CPEB3: variants seen among roughly 807,000 people sequenced by gnomAD.
CPEB3 encodes the protein cytoplasmic polyadenylation element binding protein 3.
A neutral mutation model predicts 67.2 loss-of-function variants in CPEB3; 20 were observed. That is an observed-to-expected ratio of 0.30 (90% CI 0.21 to 0.43). The LOEUF is 0.43. CPEB3 is among the 20% of genes least tolerant of loss of function. The pLI is 1.00. For synonymous variants in CPEB3, 376 were observed against 393.1 expected (o/e 0.96, Z 0.51); for missense variants, 746 against 968.6 (o/e 0.77, Z 3.05).
chr10:92,148,954 G>A (rs528159175), intron 4 of CPEB3, among the ~76,000 whole-genome samples: 9 of 146,400 alleles, frequency 6.1e-5, no homozygotes, highest in Non-Finnish European at 1.2e-4. Flanking sequence ...AAGCTGAAGC[G>A]CAGTGGCACA....
At chr10:92,094,533 C>T (rs1305711780) in intron 7 of CPEB3, among the ~76,000 whole-genome samples, 3 of 151,070 alleles carry the variant, frequency 2.0e-5, no homozygotes, top group East Asian at 2.0e-4. Flanking sequence ...ACCTGGGAGG[C>T]GGAGCTTGCA....
At position 92,091,947 on chromosome 10, in the gene CPEB3, G is replaced by GA. The variant is rs1477118964; in HGVS notation, c.1573-4dup. On this transcript the variant is annotated splice_region_variant and splice_polypyrimidine_tract_variant and intron_variant, in intron 7 of 9. Coordinates refer to ENST00000265997, the MANE Select transcript of CPEB3 (RefSeq NM_014912.5). ...AGGTTCCATGGTCGAATTTGCACCT[G>GA]AAAAAAAGTTGTTTACTTGGTCCTT... 8 of 1,595,982 alleles carry GA rather than the reference G, an allele frequency of 5.0e-6. No individual in the cohort carries two copies. Among genetic ancestry groups the GA allele is most frequent in the Non-Finnish European group, 6.0e-6 (7 of 1,165,504 alleles).
In CPEB3 at chr10:92,269,798, T is replaced by C. The variant is rs1291052200; in HGVS notation, c.-12+21128A>G. ...GTCTTGAACTCCTGACCTCAGGTGA[T>C]CCGCCCACCTCAGCATCCCAAAGTG... On this transcript the variant is annotated intron_variant, in intron 1 of 9. Coordinates refer to ENST00000265997, the MANE Select transcript of CPEB3 (RefSeq NM_014912.5). Among the ~76,000 whole-genome samples, 3 of 152,232 alleles carry C rather than the reference T, an allele frequency of 2.0e-5. No individual in the cohort carries two copies. In the East Asian group the frequency reaches 5.8e-4, roughly 29 times the overall value.
intron 7 of CPEB3, 57 bp downstream of exon 7, chr10:92,111,019 G>T: frequency 8.6e-7 from 1 of 1,163,998 alleles, no homozygotes; most frequent in Non-Finnish European, 1.3e-6. Context: ...GAGGAGGTCA[G>T]CTATTCCAAT....
chr10:92,122,016 A>C (rs1022576009), intron 6 of CPEB3, among the ~76,000 whole-genome samples: 1 of 152,198 alleles, frequency 6.6e-6, no homozygotes, highest in Non-Finnish European at 1.5e-5. Flanking sequence ...ATTCAAGGGT[A>C]CCAAAAACAT....
At chr10:92,215,732 C>T (rs1404668879) in intron 2 of CPEB3, among the ~76,000 whole-genome samples, 3 of 140,434 alleles carry the variant, frequency 2.1e-5, no homozygotes, top group South Asian at 2.3e-4. Flanking sequence ...TGAGCCATGG[C>T]GCCTGGCTTT....
chr10:92,141,363 C>A (rs1424002886), intron 6 of CPEB3, among the ~76,000 whole-genome samples: 1 of 151,832 alleles, frequency 6.6e-6, no homozygotes, highest in Non-Finnish European at 1.5e-5. Context: ...TCATCATTCT[C>A]AGCAAACTAT....
At chr10:92,166,023 C>A (rs1847722299) in intron 4 of CPEB3, among the ~76,000 whole-genome samples, 1 of 152,124 alleles carries the variant, frequency 6.6e-6, no homozygotes, top group African/African-American at 2.4e-5. Context: ...AATAAAGAAT[C>A]CTTTCTAGAA....
chr10:92,218,824 T>TC (rs1564879162), intron 2 of CPEB3, among the ~76,000 whole-genome samples: 1 of 152,002 alleles, frequency 6.6e-6, no homozygotes, highest in East Asian at 1.9e-4. Context: ...TTTTTTTTTT[T>TC]CTCTTTTCAG....
chr10:92,206,166 G>C (rs1849780182), intron 2 of CPEB3, among the ~76,000 whole-genome samples: 1 of 151,598 alleles, frequency 6.6e-6, no homozygotes, highest in Non-Finnish European at 1.5e-5. Context: ...CCACCTCCCG[G>C]GTTCAAGAGA....
At chr10:92,212,087 G>C (rs899117253) in intron 2 of CPEB3, among the ~76,000 whole-genome samples, 13 of 151,138 alleles carry the variant, frequency 8.6e-5, no homozygotes, top group African/African-American at 2.7e-4. Flanking sequence ...CACTATGTTG[G>C]CCAGGCTGGT....
intron 2 of CPEB3, among the ~76,000 whole-genome samples, chr10:92,230,690 C>G (rs1226239789): frequency 6.6e-6 from 1 of 152,178 alleles, no homozygotes; most frequent in East Asian, 1.9e-4. Context: ...TGTAGCAGAA[C>G]TGAAGTATAA....
intron 2 of CPEB3, among the ~76,000 whole-genome samples, chr10:92,192,902 G>A (rs1451054775): frequency 1.3e-5 from 2 of 152,144 alleles, no homozygotes; most frequent in East Asian, 3.9e-4. Context: ...ACAGACGTGA[G>A]CTACCGCGCT....
At chr10:92,152,242 T>G (rs1798960267) in intron 4 of CPEB3, among the ~76,000 whole-genome samples, 1 of 152,198 alleles carries the variant, frequency 6.6e-6, no homozygotes, top group African/African-American at 2.4e-5. Context: ...TGAAATATAA[T>G]TCTCATATCA....
At chr10:92,218,495 T>C (rs1318266508) in intron 2 of CPEB3, among the ~76,000 whole-genome samples, 2 of 152,232 alleles carry the variant, frequency 1.3e-5, no homozygotes, top group Admixed American at 6.5e-5. Context: ...TGCCATTACA[T>C]GGCCAATTGA....
chr10:92,287,409 A>C (rs1842581429), intron 1 of CPEB3, among the ~76,000 whole-genome samples: 1 of 152,242 alleles, frequency 6.6e-6, no homozygotes, highest in East Asian at 1.9e-4. Flanking sequence ...AATTCCAATT[A>C]TTCTGAGTCT....
At chr10:92,052,549 G>T in intron 9 of CPEB3, 110 bp from the exon 10 acceptor site, 2 of 875,910 alleles carry the variant, frequency 2.3e-6, no homozygotes, top group Non-Finnish European at 3.5e-6. Context: ...ATCAGACGCT[G>T]CTTTCAACTC....
intron 9 of CPEB3, among the ~76,000 whole-genome samples, chr10:92,053,742 T>C (rs1019783369): frequency 2.6e-5 from 4 of 152,186 alleles, no homozygotes; most frequent in South Asian, 2.1e-4. Flanking sequence ...GGGGTTTCAC[T>C]GTGTTAGCCA....
At chr10:92,064,668 G>C (rs1006719722) in intron 9 of CPEB3, among the ~76,000 whole-genome samples, 4 of 152,170 alleles carry the variant, frequency 2.6e-5, no homozygotes, top group African/African-American at 9.7e-5. Flanking sequence ...GACATTGTCA[G>C]AAGGACCTGA....
Sources: allele counts gnomAD v4.1 joint callset (sites outside exome capture counted in the v4.1 genomes callset), GRCh38; gene constraint gnomAD v4.1.1; transcripts MANE v1.5; gene names NCBI Gene and HGNC (gene_info 2026-07-23, HGNC 2026-07-21).